Variants in SLC35F6 observed in about 807,000 individuals in gnomAD.
SLC35F6 encodes the protein solute carrier family 35 member F6.
Under a neutral mutation model 29.4 loss-of-function variants are expected in SLC35F6, and 26 were observed. That is an observed-to-expected ratio of 0.89 (90% CI 0.65 to 1.23). SLC35F6 has a LOEUF of 1.23. SLC35F6 is among the 50% of genes most tolerant of loss of function. The pLI is 0.00. For synonymous variants in SLC35F6, 174 were observed against 206.6 expected, an observed-to-expected ratio of 0.84 and a Z score of 1.35; for missense variants, 428 against 487.8, an observed-to-expected ratio of 0.88 and a Z score of 1.15.
At position 26,775,132 on chromosome 2, in the gene SLC35F6, T is replaced by A. The variant is rs756421355; in HGVS notation, c.239T>A (p.Val80Glu). 6.2e-7 allele frequency: 1 copy of A among 1,613,986 alleles called. No individual in the cohort carries two copies. Among genetic ancestry groups the A allele is most frequent in the Non-Finnish European group, 8.5e-7 (1 of 1,180,032 alleles). Residue 80 changes from valine to glutamate, a missense_variant, in exon 3 of 6, where the codon GTA (valine) becomes GAA (glutamate). Physicochemically the swap from Val to Glu is moderately radical, Grantham distance 121. Coordinates refer to ENST00000344420, the MANE Select transcript of SLC35F6 (RefSeq NM_017877.4). The surrounding 1 kb of genome is among the most constrained non-coding windows in gnomAD (Gnocchi z 4.6). ...GCTGCAGGGCAATCAGACTCCAGCG[T>A]AGACCCCCAGCAGCCCTTCAACCCT... The part of the protein sequence containing the change: ...CRAAGQSDSS[V>E]DPQQPFNPLL...
In SLC35F6 at chr2:26,775,642, C is replaced by A. The variant is rs115659803; in HGVS notation, c.501C>A (p.His167Gln). Residue 167 changes from histidine to glutamine, a missense_variant, in exon 4 of 6, where the codon CAC becomes CAA. His to Gln is a conservative substitution (Grantham distance 24). Coordinates refer to ENST00000344420, the MANE Select transcript of SLC35F6 (RefSeq NM_017877.4). This position sits in a 1 kb window ranked among gnomAD's most constrained non-coding sequence, Gnocchi z 4.6. The stretch of plus-strand genomic sequence containing the variant: ...GCCTGGCTGACCTCCTGAGCAAGCA[C>A]GACAGTCAGCACAAGCTCAGCGAAG... ...VVGLADLLSK[H>Q]DSQHKLSEVI... The A allele has an allele frequency of 1.3e-6, 2 of 1,597,964 alleles. No individual in the cohort carries two copies. Among genetic ancestry groups the A allele is most frequent in the East Asian group, 2.3e-5 (1 of 44,330 alleles).
intron 1 of SLC35F6, among the ~76,000 whole-genome samples, chr2:26,770,124 G>C (rs1664168072): frequency 1.3e-5 from 2 of 152,226 alleles, no homozygotes; most frequent in South Asian, 4.1e-4. Context: ...GGAAACATGG[G>C]CTGGGTGCAG....
chr2:26,765,169 G>A (rs375868809), intron 1 of SLC35F6, among the ~76,000 whole-genome samples: 72 of 152,344 alleles, frequency 4.7e-4, no homozygotes, highest in African/African-American at 1.4e-3. Flanking sequence ...GAAGAGAAAG[G>A]AAGGGACAAC....
intron 1 of SLC35F6, among the ~76,000 whole-genome samples, chr2:26,766,961 TG>T (rs776468098): frequency 1.3e-5 from 2 of 152,208 alleles, no homozygotes; most frequent in Admixed American, 6.5e-5. Flanking sequence ...CCAGTCATTT[TG>T]GGGTCATTTA....
intron 2 of SLC35F6, 79 bp from the exon 3 acceptor site, chr2:26,774,965 T>G (rs1010465762): frequency 6.9e-7 from 1 of 1,458,528 alleles, no homozygotes; most frequent in Non-Finnish European, 9.1e-7. Flanking sequence ...TTGACAAAAG[T>G]TTGCATTAAA....
intron 1 of SLC35F6, among the ~76,000 whole-genome samples, chr2:26,769,194 G>A (rs973438029): frequency 2.5e-4 from 38 of 152,198 alleles, no homozygotes; most frequent in Admixed American, 6.5e-4. Context: ...GTCTGTTTTC[G>A]CCACCCCCGT....
intron 1 of SLC35F6, among the ~76,000 whole-genome samples, chr2:26,770,345 T>C (rs1664174219): frequency 6.6e-6 from 1 of 152,048 alleles, no homozygotes; most frequent in African/African-American, 2.4e-5. Flanking sequence ...AGGCTGAGGC[T>C]GTAGTGAGCC....
chr2:26,766,114 A>T (rs1350303303), intron 1 of SLC35F6, among the ~76,000 whole-genome samples: 1 of 152,148 alleles, frequency 6.6e-6, no homozygotes, highest in Non-Finnish European at 1.5e-5. Context: ...CAGGTGACAG[A>T]CCCAACTTTT....
intron 1 of SLC35F6, among the ~76,000 whole-genome samples, chr2:26,767,465 C>A (rs1209791102): frequency 6.6e-6 from 1 of 152,242 alleles, no homozygotes; most frequent in Non-Finnish European, 1.5e-5. Context: ...TGAGCACGTG[C>A]TGCCTGCTGT....
intron 1 of SLC35F6, among the ~76,000 whole-genome samples, chr2:26,771,808 A>C (rs1664201086): frequency 6.6e-6 from 1 of 151,950 alleles, no homozygotes; most frequent in Admixed American, 6.5e-5. Flanking sequence ...TCTCTAAAAA[A>C]AAAAAGAGAA....
chr2:26,766,921 C>G (rs891105484), intron 1 of SLC35F6, among the ~76,000 whole-genome samples: 1 of 152,204 alleles, frequency 6.6e-6, no homozygotes, highest in Admixed American at 6.5e-5. Context: ...TGCTCTTAAC[C>G]ACCACTGGAG....
chr2:26,773,413 G>A (rs890332472), intron 1 of SLC35F6, among the ~76,000 whole-genome samples: 13 of 149,456 alleles, frequency 8.7e-5, no homozygotes, highest in Non-Finnish European at 1.5e-4. Flanking sequence ...TGAGGCAGGA[G>A]AATGGCGTGA....
chr2:26,767,889 A>G (rs1664124310), intron 1 of SLC35F6, among the ~76,000 whole-genome samples: 1 of 152,210 alleles, frequency 6.6e-6, no homozygotes, highest in African/African-American at 2.4e-5. Flanking sequence ...AGGGTCAAGT[A>G]GATGCTCACT....
Position 26,775,376 on chromosome 2 carries a change from A to G in SLC35F6, c.323-88A>G. ...CAGGACTGATCGAGCGCTTACTATG[A>G]GCTTGGCATGTCTATCACCAAAGAC... is the stretch of plus-strand genomic sequence containing the variant. On this transcript the variant is annotated intron_variant, in intron 3 of 5. Transcript: ENST00000344420. This position sits in a 1 kb window ranked among gnomAD's most constrained non-coding sequence, Gnocchi z 4.6. 6.5e-7 allele frequency: 1 copy of G among 1,538,944 alleles called. No individual in the cohort carries two copies. The highest frequency in any genetic ancestry group is 8.8e-7 in the Non-Finnish European group (1 of 1,137,934).
At chr2:26,771,068 T>G (rs1470445938) in intron 1 of SLC35F6, among the ~76,000 whole-genome samples, 1 of 152,208 alleles carries the variant, frequency 6.6e-6, no homozygotes, top group Non-Finnish European at 1.5e-5. Context: ...CCGGGAGCGC[T>G]GCCAGCCAGG....
At chr2:26,766,715 C>G (rs746597442) in intron 1 of SLC35F6, among the ~76,000 whole-genome samples, 1 of 152,196 alleles carries the variant, frequency 6.6e-6, no homozygotes, top group Non-Finnish European at 1.5e-5. Context: ...ACCTCGCATG[C>G]CCCAGGCCCT....
rs751979502 is a variant in SLC35F6, at chr2:26,778,308, G to T, written c.913G>T (p.Ala305Ser). 1 of 1,614,166 alleles carries T rather than the reference G, an allele frequency of 6.2e-7. No individual in the cohort carries two copies. The highest frequency in any genetic ancestry group is 1.1e-5 in the South Asian group (1 of 91,086). Reference sequence around the variant, plus strand: ...CAGCTTGCGCACCGTTGTCATCTGGGCACTGAGCCTGGCACTGGGCTGGGA... The same window carrying T: ...CAGCTTGCGCACCGTTGTCATCTGGTCACTGAGCCTGGCACTGGGCTGGGA... ...LDSLRTVVIW[A>S]LSLALGWEAF... is the part of the protein sequence containing the mutation. Residue 305 changes from alanine to serine, a missense_variant, in exon 6 of 6, where the codon GCA (alanine) becomes TCA (serine). Coordinates refer to ENST00000344420, the MANE Select transcript of SLC35F6 (RefSeq NM_017877.4).
intron 1 of SLC35F6, among the ~76,000 whole-genome samples, chr2:26,765,777 C>T (rs188510811): frequency 6.6e-6 from 1 of 152,374 alleles, no homozygotes; most frequent in East Asian, 1.9e-4. Context: ...CTGCATCCTC[C>T]TGAGGATCAC....
chr2:26,778,204 T>G lies in SLC35F6; in HGVS notation c.809T>G (p.Ile270Ser). ...ATTGCCGTGGCACTGCTGGGCAACA[T>G]CAGCAGCATTGCCTTCTTCAACTTC... ...PLIAVALLGN[I>S]SSIAFFNFAG... The change falls in exon 6 of 6, where the codon ATC becomes AGC. Residue 270 changes from isoleucine to serine, a missense_variant. Physicochemically the swap from Ile to Ser is moderately radical, Grantham distance 142. Coordinates refer to ENST00000344420, the MANE Select transcript of SLC35F6 (RefSeq NM_017877.4). 3 of 1,614,148 alleles carry G rather than the reference T, an allele frequency of 1.9e-6. No individual in the cohort carries two copies. The highest frequency in any genetic ancestry group is 1.1e-5 in the South Asian group (1 of 91,086).
Sources: allele counts gnomAD v4.1 joint callset (sites outside exome capture counted in the v4.1 genomes callset), GRCh38; gene constraint gnomAD v4.1.1; non-coding constraint Gnocchi (gnomAD v3.1); transcripts MANE v1.5; gene names NCBI Gene and HGNC (gene_info 2026-07-23, HGNC 2026-07-21).